PGAP4: variants seen among roughly 807,000 people sequenced by gnomAD.
PGAP4 encodes the protein post-GPI attachment to proteins GalNAc transferase 4, also known as GPI-N-acetylgalactosamine transferase PGAP4.
PGAP4 carries 12 observed loss-of-function variants against 28.2 expected under a neutral mutation model. That is an observed-to-expected ratio of 0.42 (90% confidence interval 0.27 to 0.69). PGAP4 has a LOEUF of 0.69. PGAP4 is among the 30% of genes least tolerant of loss of function. The pLI, the probability that PGAP4 is intolerant of heterozygous loss-of-function variation, is 0.22. For synonymous variants in PGAP4, 205 were observed against 211.8 expected, an observed-to-expected ratio of 0.97 and a Z score of 0.28; for missense variants, 425 against 513.5, an observed-to-expected ratio of 0.83 and a Z score of 1.67.
At chr9:101,489,766 C>G (rs901715175), upstream of PGAP4, among the ~76,000 whole-genome samples, 1 of 152,152 alleles carries the variant, frequency 6.6e-6, no homozygotes, top group Admixed American at 6.5e-5. Context: ...ACTGGATGAC[C>G]AGGAGGCATA....
At chr9:101,496,793 G>T (rs1262495179) in intron 2 of PGAP4, among the ~76,000 whole-genome samples, 1 of 150,578 alleles carries the variant, frequency 6.6e-6, no homozygotes, top group East Asian at 2.0e-4. Flanking sequence ...TTTTTACCAA[G>T]AATACATTTT....
chr9:101,479,427 T>C (rs1340685993), intron 1 of PGAP4, among the ~76,000 whole-genome samples: 2 of 152,120 alleles, frequency 1.3e-5, no homozygotes, highest in African/African-American at 4.8e-5. Flanking sequence ...GGGCAGGCAG[T>C]TTGGAAAATG....
At chr9:101,499,207 A>G (rs1039504318) in intron 2 of PGAP4, among the ~76,000 whole-genome samples, 36 of 152,030 alleles carry the variant, frequency 2.4e-4, no homozygotes, top group African/African-American at 8.0e-4. Flanking sequence ...TCCCAAATAA[A>G]GTAAAAAAGC....
intron 2 of PGAP4, among the ~76,000 whole-genome samples, chr9:101,508,300 A>G (rs1826866488): frequency 6.6e-6 from 1 of 152,092 alleles, no homozygotes; most frequent in Admixed American, 6.6e-5. Context: ...TATTTTATCT[A>G]AAAACCAGTC....
chr9:101,497,024 G>T (rs1350895831), intron 2 of PGAP4, among the ~76,000 whole-genome samples: 1 of 150,682 alleles, frequency 6.6e-6, no homozygotes, highest in Admixed American at 6.6e-5. Context: ...TTAAATTTGA[G>T]TGAAAACTTA....
intron 1 of PGAP4, among the ~76,000 whole-genome samples, chr9:101,478,406 C>A (rs1296400026): frequency 6.6e-6 from 1 of 152,208 alleles, no homozygotes; most frequent in Non-Finnish European, 1.5e-5. Context: ...AAGGTTTACA[C>A]ACATTTGGAG....
intron 2 of PGAP4, among the ~76,000 whole-genome samples, chr9:101,502,201 T>C (rs1826809629): frequency 6.6e-6 from 1 of 152,064 alleles, no homozygotes; most frequent in South Asian, 2.1e-4. Flanking sequence ...CTAAATACTC[T>C]GTTGACACTC....
chr9:101,502,882 CCT>C (rs1312363381), intron 2 of PGAP4, among the ~76,000 whole-genome samples: 1 of 151,976 alleles, frequency 6.6e-6, no homozygotes, highest in Non-Finnish European at 1.5e-5. Context: ...GCCAAAAGTT[CCT>C]TTTTTTCATG....
At chr9:101,533,094 T>A (rs1328858885) in exon 1 of PGAP4, 2 of 149,108 alleles carry the variant, frequency 1.3e-5, no homozygotes, top group Admixed American at 1.3e-4. Flanking sequence ...TGTCATAAAC[T>A]TAAAAAAAAA....
At chr9:101,516,215 T>C (rs748915098) in intron 2 of PGAP4, among the ~76,000 whole-genome samples, 88 of 152,178 alleles carry the variant, frequency 5.8e-4, no homozygotes, top group Non-Finnish European at 1.1e-3. Flanking sequence ...TTTCTTTTTT[T>C]GCCTAAATTC....
At chr9:101,484,123 C>T (rs1826555226) in intron 1 of PGAP4, among the ~76,000 whole-genome samples, 1 of 151,862 alleles carries the variant, frequency 6.6e-6, no homozygotes, top group Non-Finnish European at 1.5e-5. Flanking sequence ...TGCAGAAATG[C>T]CAACACATGC....
intron 2 of PGAP4, among the ~76,000 whole-genome samples, chr9:101,519,185 T>A (rs1202092907): frequency 6.6e-6 from 1 of 152,054 alleles, no homozygotes; most frequent in Admixed American, 6.5e-5. Context: ...TTAGATGGAG[T>A]CTTGCTCTGT....
Position 101,476,449 on chromosome 9 carries a change from A to C in PGAP4, c.644T>G (p.Val215Gly), listed in dbSNP as rs1022388982. 3.7e-6 allele frequency: 6 copies of C among 1,614,128 alleles called. No individual in the cohort carries two copies. The highest frequency in any genetic ancestry group is 5.1e-6 in the Non-Finnish European group (6 of 1,180,024). ...DYVLMVEDDA[V>G]PEEQIFPVLE... is the part of the protein sequence containing the mutation. ...GACTGGGAAGATCTGCTCTTCTGGT[A>C]CAGCATCGTCTTCTACCATCAGGAC... The change falls in exon 2 of 2, where the codon GTA becomes GGA. Residue 215 changes from valine to glycine, a missense_variant. By Grantham distance (109) the Val-to-Gly change is moderately radical. Coordinates refer to ENST00000374848, the MANE Select transcript of PGAP4 (RefSeq NM_032342.3). The surrounding 1 kb of genome is among the most constrained non-coding windows in gnomAD (Gnocchi z 7.0).
At chr9:101,477,239 C>A (rs1470189663) in intron 1 of PGAP4, 70 bp from the exon 2 acceptor site, 3 of 1,249,332 alleles carry the variant, frequency 2.4e-6, no homozygotes, top group African/African-American at 1.5e-5. Flanking sequence ...AACAAAAAAA[C>A]AAAAGGACAA....
chr9:101,526,191 C>T (rs1827034766), intron 2 of PGAP4, among the ~76,000 whole-genome samples: 1 of 152,268 alleles, frequency 6.6e-6, no homozygotes, highest in Non-Finnish European at 1.5e-5. Context: ...ACATTTCAAA[C>T]ACACTGATCT....
intron 2 of PGAP4, among the ~76,000 whole-genome samples, chr9:101,492,287 G>A (rs1399023057): frequency 1.3e-5 from 2 of 151,688 alleles, no homozygotes; most frequent in African/African-American, 2.4e-5. Context: ...TCTGCCTCCC[G>A]GGTTCAAGCG....
intron 2 of PGAP4, among the ~76,000 whole-genome samples, chr9:101,508,017 C>G (rs1423822954): frequency 6.6e-6 from 1 of 152,014 alleles, no homozygotes; most frequent in African/African-American, 2.4e-5. Flanking sequence ...ACTTTGTTAC[C>G]CTTATTTGAT....
intron 2 of PGAP4, among the ~76,000 whole-genome samples, chr9:101,517,918 A>G (rs1436032761): frequency 6.6e-6 from 1 of 152,158 alleles, no homozygotes; most frequent in Non-Finnish European, 1.5e-5. Context: ...CAAGAGATGT[A>G]TGTGCATGTC....
At chr9:101,532,913 A>G (rs1262578747) in exon 1 of PGAP4, 2 of 152,168 alleles carry the variant, frequency 1.3e-5, no homozygotes, top group Non-Finnish European at 2.9e-5. Flanking sequence ...CCTAAATTCT[A>G]TTTTTTAAAA....
Sources: gnomAD v4.1 joint callset for allele counts (sites outside exome capture counted in the v4.1 genomes callset) on GRCh38, gnomAD v4.1.1 for gene constraint, Gnocchi (gnomAD v3.1) non-coding constraint, MANE v1.5 for transcripts, NCBI Gene and HGNC (gene_info 2026-07-23, HGNC 2026-07-21) for gene names.